The following HS3ST3A1 variants were observed in gnomAD, a reference collection of about 807,000 sequenced individuals.
HS3ST3A1 encodes the protein heparan sulfate-glucosamine 3-sulfotransferase 3A1.
HS3ST3A1 carries 19 observed loss-of-function variants against 25.7 expected under a neutral mutation model. The ratio of observed to expected loss-of-function variants is 0.74; its 90% CI spans 0.52 to 1.08. The LOEUF (loss-of-function observed/expected upper bound fraction) is 1.08, where lower values mean the gene tolerates loss of function less well. Ranked by LOEUF, HS3ST3A1 falls within the 50% of genes least tolerant of loss-of-function variation. The pLI is 0.00. For synonymous variants in HS3ST3A1, 226 were observed against 278.6 expected (o/e 0.81, Z 1.88); for missense variants, 459 against 594.3 (o/e 0.77, Z 2.37).
intron 1 of HS3ST3A1, among the ~76,000 whole-genome samples, chr17:13,596,099 G>A (rs1489762629): frequency 6.6e-6 from 1 of 152,110 alleles, no homozygotes; most frequent in Non-Finnish European, 1.5e-5. Context: ...AGAGCAGGCA[G>A]GAGATTATAA....
intron 1 of HS3ST3A1, among the ~76,000 whole-genome samples, chr17:13,542,348 TG>T: frequency 8.5e-6 from 1 of 117,150 alleles, no homozygotes; most frequent in East Asian, 2.4e-4. Flanking sequence ...AAAAAAAAAA[TG>T]GTTAAGTGAG....
Position 13,496,802 on chromosome 17 carries a change from T to A in HS3ST3A1, c.616A>T (p.Thr206Ser). The stretch of plus-strand genomic sequence containing the variant: ...TCCATGGTGATCTGCCCGTCCAGGG[T>A]TCTGGGCATCAGGTCCCTGAGAAAC... ...LAWYRDLMPR[T>S]LDGQITMEKT... The change falls in exon 2 of 2, where the codon ACC becomes TCC. Residue 206 changes from threonine to serine, a missense_variant. Physicochemically the swap from Thr to Ser is moderately conservative, Grantham distance 58 (BLOSUM62 1). This residue lies in a region of HS3ST3A1 where 346 missense variants were observed against 303.9 expected (regional missense o/e 1.14). Coordinates refer to ENST00000284110, the MANE Select transcript of HS3ST3A1 (RefSeq NM_006042.3). The A allele has an allele frequency of 6.2e-7, 1 of 1,611,980 alleles. No individual in the cohort carries two copies. The highest frequency in any genetic ancestry group is 8.5e-7 in the Non-Finnish European group (1 of 1,178,972).
Position 13,601,271 on chromosome 17 carries a change from G to T in HS3ST3A1, c.-142C>A. 2 of 599,690 alleles carry T rather than the reference G, an allele frequency of 3.3e-6. No homozygotes were observed. Among genetic ancestry groups the T allele is most frequent in the Non-Finnish European group, 5.3e-6 (2 of 374,762 alleles). The allele number at this position is 599,690 out of a possible 1,614,324, so 37.1% of individuals were successfully genotyped here. On this transcript the variant is annotated 5_prime_UTR_variant, in exon 1 of 2. Transcript: ENST00000284110. ...CCCCTGTGGCCGTGCGAACTGTCCC[G>T]GGAGGCAGCGGCCGGGGCTCCGCGG...
chr17:13,590,493 T>C (rs1043717738), intron 1 of HS3ST3A1, among the ~76,000 whole-genome samples: 2 of 152,226 alleles, frequency 1.3e-5, no homozygotes, highest in African/African-American at 4.8e-5. Flanking sequence ...AGTTCTTGTC[T>C]TTCAGCTTAA....
At chr17:13,571,662 T>C (rs1448741104) in intron 1 of HS3ST3A1, among the ~76,000 whole-genome samples, 3 of 152,234 alleles carry the variant, frequency 2.0e-5, no homozygotes, top group Non-Finnish European at 1.5e-5. Context: ...ACAAGTTTAG[T>C]AAAATGTAAA....
chr17:13,584,212 A>T (rs779959510), intron 1 of HS3ST3A1, among the ~76,000 whole-genome samples: 15 of 152,182 alleles, frequency 9.9e-5, no homozygotes, highest in Non-Finnish European at 1.5e-4. Flanking sequence ...AAAAATGGAG[A>T]TTCTTAAAGC....
intron 1 of HS3ST3A1, among the ~76,000 whole-genome samples, chr17:13,564,506 T>C (rs1370286327): frequency 6.6e-6 from 1 of 152,188 alleles, no homozygotes; most frequent in Non-Finnish European, 1.5e-5. Flanking sequence ...CACATCCTCC[T>C]GTATACATTT....
intron 1 of HS3ST3A1, among the ~76,000 whole-genome samples, chr17:13,585,758 G>A (rs1908241170): frequency 6.7e-6 from 1 of 149,988 alleles, no homozygotes; most frequent in African/African-American, 2.5e-5. Flanking sequence ...CTGGGCTCCA[G>A]CTTAACCCAG....
intron 1 of HS3ST3A1, among the ~76,000 whole-genome samples, chr17:13,530,794 G>A (rs1298328275): frequency 1.3e-5 from 2 of 152,052 alleles, no homozygotes; most frequent in African/African-American, 4.8e-5. Flanking sequence ...TCTGTATGTG[G>A]CTTTTCATTT....
chr17:13,595,086 C>CT (rs142122607), intron 1 of HS3ST3A1, among the ~76,000 whole-genome samples: 19,282 of 152,030 alleles, frequency 0.13, 1,294 homozygotes, highest in Non-Finnish European at 0.15. Context: ...AACACTTCCC[C>CT]GTCTCTTTTC....
chr17:13,523,853 T>C (rs182953208), intron 1 of HS3ST3A1, among the ~76,000 whole-genome samples: 1 of 152,312 alleles, frequency 6.6e-6, no homozygotes, highest in East Asian at 1.9e-4. Flanking sequence ...CCGTATCTAG[T>C]CTCATTGTTT....
chr17:13,595,183 T>G (rs1197600101), intron 1 of HS3ST3A1, among the ~76,000 whole-genome samples: 1 of 152,228 alleles, frequency 6.6e-6, no homozygotes, highest in Admixed American at 6.5e-5. Flanking sequence ...TGTAAGTTTT[T>G]AGGGGCCTGA....
chr17:13,582,799 C>T (rs756640660), intron 1 of HS3ST3A1, among the ~76,000 whole-genome samples: 33 of 152,048 alleles, frequency 2.2e-4, no homozygotes, highest in Non-Finnish European at 8.8e-5. Context: ...GGTGTCTTTC[C>T]GAGTGACTTA....
At position 13,566,098 on chromosome 17, in the gene HS3ST3A1, A is replaced by T. The variant is rs531453953; in HGVS notation, c.599+34433T>A. Among the ~76,000 whole-genome samples the T allele has an allele frequency of 2.0e-5, 3 of 152,300 alleles. No individual in the cohort carries two copies. The South Asian group carries it at 6.2e-4, about 32-fold the overall frequency. ...GTGCATTGCAGATATTGCATTTTTT[A>T]AAAATTGAAGGTTTGCAGCAACCCT... is the stretch of plus-strand genomic sequence containing the variant. On this transcript the variant is annotated intron_variant, in intron 1 of 1. Transcript: ENST00000284110.
chr17:13,530,042 G>T (rs1906558007), intron 1 of HS3ST3A1, among the ~76,000 whole-genome samples: 1 of 138,034 alleles, frequency 7.2e-6, no homozygotes, highest in African/African-American at 2.7e-5. Flanking sequence ...ATACACACGG[G>T]TTGGGGTGGG....
chr17:13,552,655 G>A (rs1171955078), intron 1 of HS3ST3A1, among the ~76,000 whole-genome samples: 8 of 152,168 alleles, frequency 5.3e-5, no homozygotes, highest in Admixed American at 5.2e-4. Context: ...CTGCCTACTG[G>A]TTGGAGGAAC....
At chr17:13,553,063 T>C (rs1907284911) in intron 1 of HS3ST3A1, among the ~76,000 whole-genome samples, 1 of 152,176 alleles carries the variant, frequency 6.6e-6, no homozygotes. Context: ...TCTTTTGTTT[T>C]TCATGGGGCA....
At chr17:13,552,701 A>G (rs888409513) in intron 1 of HS3ST3A1, among the ~76,000 whole-genome samples, 3 of 152,188 alleles carry the variant, frequency 2.0e-5, no homozygotes, top group Admixed American at 6.5e-5. Flanking sequence ...GTTTTAGGCA[A>G]GGCTGGAGAA....
chr17:13,511,025 C>T (rs1905843393), intron 1 of HS3ST3A1, among the ~76,000 whole-genome samples: 1 of 152,138 alleles, frequency 6.6e-6, no homozygotes, highest in Non-Finnish European at 1.5e-5. Flanking sequence ...TTTGGGAAAG[C>T]CATCCCGGAG....
Sources: allele counts gnomAD v4.1 joint callset (sites outside exome capture counted in the v4.1 genomes callset), GRCh38; gene constraint gnomAD v4.1.1; regional missense constraint gnomAD v4.1.1; transcripts MANE v1.5; gene names NCBI Gene and HGNC (gene_info 2026-07-23, HGNC 2026-07-21).